AFAP1: variants seen among roughly 807,000 people sequenced by gnomAD.
AFAP1 encodes actin filament-associated protein 1.
In AFAP1, 75 loss-of-function variants were observed where a neutral mutation model predicts 93.9. That is an observed-to-expected ratio of 0.80 (90% CI 0.66 to 0.97). The LOEUF (loss-of-function observed/expected upper bound fraction) is 0.97. Among genes scored for constraint, AFAP1 ranks in the 50% least tolerant of loss-of-function variants. The probability of loss-of-function intolerance (pLI) is 0.00; values close to 1 mark genes in which losing one functional copy is unlikely to be tolerated. For missense variants in AFAP1, 1,201 were observed against 1,050.8 expected (o/e 1.14, Z -1.98); for synonymous variants, 517 against 430.7 (o/e 1.20, Z -2.48).
At chr4:7,854,596 G>A (rs186879075) in intron 4 of AFAP1, among the ~76,000 whole-genome samples, 16 of 152,302 alleles carry the variant, frequency 1.1e-4, no homozygotes, top group Non-Finnish European at 1.8e-4. Flanking sequence ...ACAACTTTGG[G>A]GAAAGGGAGA....
At chr4:7,932,201 T>C (rs1351169165) in intron 1 of AFAP1, among the ~76,000 whole-genome samples, 1 of 151,348 alleles carries the variant, frequency 6.6e-6, no homozygotes, top group Non-Finnish European at 1.5e-5. Context: ...AGTCAGAGCT[T>C]GTCATTTATT....
chr4:7,838,365 C>T (rs1314344344), intron 6 of AFAP1, among the ~76,000 whole-genome samples, 159 bp downstream of exon 6: 3 of 152,168 alleles, frequency 2.0e-5, no homozygotes, highest in Non-Finnish European at 2.9e-5. Context: ...TCTGATTAAC[C>T]TCCATGTCAT....
In AFAP1 at chr4:7,939,292, T is replaced by G; in HGVS notation, c.-3+364A>C. ...GGGAGGGCGGCGGAGCCTCCCACTC[T>G]TGGTGACCCGGACCCCGCCCCACGA... On this transcript the variant is annotated intron_variant, in intron 1 of 17. Coordinates refer to ENST00000420658, the MANE Select transcript of AFAP1 (RefSeq NM_001134647.2). The surrounding 1 kb of genome is among the most constrained non-coding windows in gnomAD (Gnocchi z 5.6). The G allele has an allele frequency of 6.4e-6, 2 of 310,928 alleles. No homozygotes were observed. Among genetic ancestry groups the G allele is most frequent in the South Asian group, 4.8e-5 (2 of 41,818 alleles). 19.3% of individuals were successfully genotyped at this position (310,928 alleles called of 1,614,324 possible).
chr4:7,799,449 C>A (rs975967756), intron 10 of AFAP1, among the ~76,000 whole-genome samples: 1 of 152,174 alleles, frequency 6.6e-6, no homozygotes, highest in Non-Finnish European at 1.5e-5. Context: ...CAGCCCCAGG[C>A]ACTCTCTCCT....
chr4:7,877,579 G>A (rs748979360), intron 1 of AFAP1, among the ~76,000 whole-genome samples: 1 of 152,124 alleles, frequency 6.6e-6, no homozygotes, highest in African/African-American at 2.4e-5. Flanking sequence ...GGCTGCCTAC[G>A]GTCACCAAGC....
intron 1 of AFAP1, among the ~76,000 whole-genome samples, chr4:7,872,797 C>A (rs1011497435): frequency 6.6e-6 from 1 of 152,074 alleles, no homozygotes; most frequent in African/African-American, 2.4e-5. Flanking sequence ...ACATTATTCA[C>A]CTTTTTCTGC....
intron 17 of AFAP1, among the ~76,000 whole-genome samples, chr4:7,766,940 G>A (rs539880725): frequency 2.8e-4 from 42 of 152,088 alleles, no homozygotes; most frequent in African/African-American, 9.9e-4. Flanking sequence ...TACCGCAGCG[G>A]GCATAGCGCT....
At chr4:7,784,525 G>A (rs1717084125) in intron 12 of AFAP1, among the ~76,000 whole-genome samples, 2 of 152,200 alleles carry the variant, frequency 1.3e-5, no homozygotes, top group South Asian at 4.1e-4. Flanking sequence ...AGGCAAGGGA[G>A]AGAGGACTGA....
At chr4:7,876,998 C>G (rs1717549529) in intron 1 of AFAP1, among the ~76,000 whole-genome samples, 1 of 152,184 alleles carries the variant, frequency 6.6e-6, no homozygotes, top group South Asian at 2.1e-4. Context: ...TAATTAAACA[C>G]CCCAGTTGGC....
In AFAP1 at chr4:7,868,651, G is replaced by T; in HGVS notation, c.196C>A (p.Pro66Thr). 1 of 1,612,876 alleles carries T rather than the reference G, an allele frequency of 6.2e-7. No homozygotes were observed. Among genetic ancestry groups the T allele is most frequent in the Non-Finnish European group, 8.5e-7 (1 of 1,179,884 alleles). Residue 66 changes from proline (P) to threonine (T), a missense_variant, in exon 3 of 18, where the codon CCC becomes ACC. Pro to Thr is a conservative substitution (Grantham distance 38, BLOSUM62 -1). Transcript: ENST00000420658. Reference sequence around the variant, plus strand: ...CAGGGCTGAGGGATCTCCGGCAGGGGCATCTGAGGAGGGGCTGGCAGGCTG... The same window carrying T: ...CAGGGCTGAGGGATCTCCGGCAGGGTCATCTGAGGAGGGGCTGGCAGGCTG... ...ANSLPAPPQM[P>T]LPEIPQPWLP... is the part of the protein sequence containing the mutation.
In AFAP1 at chr4:7,793,822, G is replaced by C; in HGVS notation, c.1271C>G (p.Ser424Cys). ...NGQEVAVLEA[S>C]SSEDMGRWIG... is the part of the protein sequence containing the mutation. ...CCACCTGCCCATGTCTTCAGAAGAA[G>C]ATGCCTGTTGAAGTGGGAAAAAAGG... The change falls in exon 11 of 18, where the codon TCT becomes TGT. Residue 424 changes from serine to cysteine, a missense_variant. Transcript: ENST00000420658. 1 of 1,532,576 alleles carries C rather than the reference G, an allele frequency of 6.5e-7. No homozygotes were observed. Among genetic ancestry groups the C allele is most frequent in the Non-Finnish European group, 8.9e-7 (1 of 1,124,146 alleles). 94.9% of individuals were successfully genotyped at this position (1,532,576 alleles called of 1,614,324 possible). A position where few individuals can be genotyped will look rare whatever the true frequency, so the allele number is the denominator to read the frequency against.
intron 3 of AFAP1, among the ~76,000 whole-genome samples, chr4:7,855,820 G>A (rs1714988625): frequency 6.6e-6 from 1 of 152,198 alleles, no homozygotes; most frequent in Admixed American, 6.5e-5. Context: ...TCCAGGTTCG[G>A]TGTGTGCAGC....
At chr4:7,825,380 C>A (rs1721332424) in intron 6 of AFAP1, among the ~76,000 whole-genome samples, 1 of 152,156 alleles carries the variant, frequency 6.6e-6, no homozygotes, top group Admixed American at 6.5e-5. Context: ...AAGACGTGGC[C>A]TTTACAAGGT....
At chr4:7,817,462 C>A (rs1720574345) in intron 7 of AFAP1, among the ~76,000 whole-genome samples, 1 of 152,080 alleles carries the variant, frequency 6.6e-6, no homozygotes, top group Non-Finnish European at 1.5e-5. Flanking sequence ...ATTAGCCAGG[C>A]TTGGTGGAAT....
At chr4:7,765,714 G>A (rs553530717) in intron 17 of AFAP1, among the ~76,000 whole-genome samples, 18 of 152,360 alleles carry the variant, frequency 1.2e-4, no homozygotes, top group African/African-American at 4.3e-4. Flanking sequence ...CCCTGGCATG[G>A]ATGGCTCTGG....
At chr4:7,834,204 G>A (rs1239966150) in intron 6 of AFAP1, among the ~76,000 whole-genome samples, 1 of 152,008 alleles carries the variant, frequency 6.6e-6, no homozygotes, top group East Asian at 1.9e-4. Flanking sequence ...GATGAGATTG[G>A]AGACTATTAT....
intron 11 of AFAP1, among the ~76,000 whole-genome samples, chr4:7,792,676 T>C (rs1182345162): frequency 1.1e-4 from 16 of 152,178 alleles, no homozygotes; most frequent in Admixed American, 9.2e-4. Context: ...ACCACTGTCA[T>C]TGGACACACC....
rs1356779609 is a variant in AFAP1, at chr4:7,760,472, A to G, written c.*3293T>C. On this transcript the variant is annotated 3_prime_UTR_variant, in exon 18 of 18. Coordinates refer to ENST00000420658, the MANE Select transcript of AFAP1 (RefSeq NM_001134647.2). ...GCCTGGGGTGACTCAGCAGATCCACACTGGTTACCTTGCAACTGCCGTGGA... is the reference window on the plus strand; with the variant it reads ...GCCTGGGGTGACTCAGCAGATCCACGCTGGTTACCTTGCAACTGCCGTGGA... The G allele has an allele frequency of 6.6e-6, 1 of 152,278 alleles. No homozygotes were observed. Among genetic ancestry groups the G allele is most frequent in the Non-Finnish European group, 1.5e-5 (1 of 68,126 alleles). 9.4% of individuals were successfully genotyped at this position (152,278 alleles called of 1,614,324 possible). A position where few individuals can be genotyped will look rare whatever the true frequency, so the allele number is the denominator to read the frequency against.
intron 17 of AFAP1, among the ~76,000 whole-genome samples, chr4:7,765,919 G>A (rs1463131676): frequency 6.6e-6 from 1 of 152,180 alleles, no homozygotes; most frequent in Non-Finnish European, 1.5e-5. Context: ...CACCAAAGAG[G>A]GACTTTCTTC....
Sources: gnomAD v4.1 joint callset for allele counts (sites outside exome capture counted in the v4.1 genomes callset) on GRCh38, gnomAD v4.1.1 for gene constraint, Gnocchi (gnomAD v3.1) non-coding constraint, MANE v1.5 for transcripts, NCBI Gene and HGNC (gene_info 2026-07-23, HGNC 2026-07-21) for gene names.